The following MTMR9 variants were observed in gnomAD, a reference collection of about 807,000 sequenced individuals.
MTMR9 encodes myotubularin-related protein 9.
MTMR9 carries 39 observed loss-of-function variants against 69.5 expected under a neutral mutation model. The observed-to-expected ratio is 0.56, with a 90% CI of 0.43 to 0.73. The LOEUF is 0.73. Ranked by LOEUF, MTMR9 falls within the 30% of genes least tolerant of loss-of-function variation. MTMR9 has a pLI of 0.00. For synonymous variants in MTMR9, 354 were observed against 240.8 expected (o/e 1.47, Z -4.35); for missense variants, 900 against 671.2 (o/e 1.34, Z -3.77).
rs761536304 is a variant in MTMR9, at chr8:11,300,138, A to C, written c.407A>C (p.Tyr136Ser). Residue 136 changes from tyrosine to serine, a missense_variant, in exon 3 of 10, where the codon TAT becomes TCT. Transcript: ENST00000221086. ...CTTCCTGAGCAAGAATTTGAACTCT[A>C]TTCTTCAGCTGTGAGTTAACTTTTG... The part of the protein sequence containing the change: ...SFLPEQEFEL[Y>S]SSATSEWRLS... The C allele has an allele frequency of 6.2e-7, 1 of 1,613,090 alleles. No individual in the cohort carries two copies. Among genetic ancestry groups the C allele is most frequent in the Non-Finnish European group, 8.5e-7 (1 of 1,179,280 alleles).
intron 2 of MTMR9, chr8:11,297,791 C>A: frequency 2.2e-6 from 1 of 447,690 alleles, no homozygotes; most frequent in South Asian, 1.6e-5. Context: ...TGAAAAGAAG[C>A]CGTAAATTAT....
At chr8:11,295,143 T>C in intron 1 of MTMR9, 51 bp from the exon 2 acceptor site, 1 of 931,750 alleles carries the variant, frequency 1.1e-6, no homozygotes. Flanking sequence ...AATAATATAT[T>C]TAAAGTTAGT....
At chr8:11,339,145 G>C in the MTMR9 span, among the ~76,000 whole-genome samples, 1 of 152,160 alleles carries the variant, frequency 6.6e-6, no homozygotes, top group East Asian at 1.9e-4. Flanking sequence ...TAATTCATCA[G>C]TCTGACCCCT....
downstream of MTMR9, among the ~76,000 whole-genome samples, chr8:11,328,654 G>A (rs113660465): frequency 0.011 from 1,726 of 152,264 alleles, 29 homozygotes; most frequent in African/African-American, 0.04. Flanking sequence ...GCCTAACAGT[G>A]AATGGCAAAA....
intron 2 of MTMR9, among the ~76,000 whole-genome samples, chr8:11,297,208 T>C (rs994151137): frequency 1.3e-5 from 2 of 152,160 alleles, no homozygotes; most frequent in African/African-American, 4.8e-5. Flanking sequence ...AATCTAGAAG[T>C]AGGATTTTAG....
At chr8:11,297,864 A>G (rs769105115) in intron 2 of MTMR9, 2 of 456,168 alleles carry the variant, frequency 4.4e-6, no homozygotes, top group African/African-American at 2.0e-5. Flanking sequence ...AGTGATTAAC[A>G]TAGTGAACCT....
chr8:11,331,847 C>A (rs1404167000), downstream of MTMR9: 7 of 1,611,876 alleles, frequency 4.3e-6, no homozygotes, highest in Non-Finnish European at 5.9e-6. Flanking sequence ...CCGTGTTGCC[C>A]AGTGACCTCC....
downstream of MTMR9, chr8:11,332,333 T>G (rs1801270397): frequency 1.1e-6 from 1 of 890,864 alleles, no homozygotes; most frequent in Non-Finnish European, 1.6e-6. Context: ...TCTGGCTTAT[T>G]TACAGGAATA....
intron 6 of MTMR9, among the ~76,000 whole-genome samples, chr8:11,312,881 C>T (rs1800259447): frequency 6.6e-6 from 1 of 152,180 alleles, no homozygotes; most frequent in Admixed American, 6.5e-5. Context: ...ATGTACCTCT[C>T]CATCAGAGCT....
At chr8:11,320,749 A>G (rs1800646024) in intron 9 of MTMR9, 1 of 152,220 alleles carries the variant, frequency 6.6e-6, no homozygotes, top group Non-Finnish European at 1.5e-5. Context: ...AAAAATAAAG[A>G]TAAAAATAAC....
At chr8:11,298,875 T>C (rs1035932716) in intron 2 of MTMR9, 1 of 985,076 alleles carries the variant, frequency 1.0e-6, no homozygotes, top group African/African-American at 1.7e-5. Flanking sequence ...GTGCTCCAGG[T>C]AAATATAGGC....
intron 8 of MTMR9, 141 bp from the exon 9 acceptor site, chr8:11,319,546 T>G: frequency 1.2e-6 from 1 of 822,654 alleles, no homozygotes; most frequent in Non-Finnish European, 1.9e-6. Context: ...ATCTATTGAT[T>G]TTTCAACACT....
At chr8:11,305,510 A>G (rs1307689115) in intron 4 of MTMR9, among the ~76,000 whole-genome samples, 1 of 152,242 alleles carries the variant, frequency 6.6e-6, no homozygotes, top group African/African-American at 2.4e-5. Context: ...CTACCTTGTA[A>G]TGGTGGCGTC....
At chr8:11,287,725 T>C (rs1315562652) in intron 1 of MTMR9, among the ~76,000 whole-genome samples, 1 of 130,988 alleles carries the variant, frequency 7.6e-6, no homozygotes, top group Admixed American at 8.1e-5. Context: ...TAATATATAT[T>C]ATATATTATA....
chr8:11,314,177 T>C (rs1800317526), intron 6 of MTMR9, among the ~76,000 whole-genome samples: 1 of 152,194 alleles, frequency 6.6e-6, no homozygotes, highest in Non-Finnish European at 1.5e-5. Context: ...AGCTTTTGTG[T>C]GAAGTTGGTG....
At chr8:11,331,304 C>G (rs1390852819), downstream of MTMR9, 1 of 1,614,016 alleles carries the variant, frequency 6.2e-7, no homozygotes, top group Admixed American at 1.7e-5. Flanking sequence ...AGGGTTCCAA[C>G]CTGCCCTCGC....
chr8:11,304,330 G>A (rs1055482458), intron 3 of MTMR9, among the ~76,000 whole-genome samples: 1 of 152,142 alleles, frequency 6.6e-6, no homozygotes, highest in Non-Finnish European at 1.5e-5. Flanking sequence ...TTCTGGGGAT[G>A]CATTATCTGG....
chr8:11,296,934 A>T (rs1043012527), intron 2 of MTMR9, among the ~76,000 whole-genome samples: 1 of 152,124 alleles, frequency 6.6e-6, no homozygotes, highest in African/African-American at 2.4e-5. Flanking sequence ...AATAATAGAA[A>T]TTTTACTTGG....
chr8:11,309,771 T>G (rs1446969791), intron 6 of MTMR9, 83 bp downstream of exon 6: 1 of 1,470,732 alleles, frequency 6.8e-7, no homozygotes, highest in African/African-American at 1.4e-5. Flanking sequence ...GTTTATAGAT[T>G]ATGTGAAAGT....
Sources: allele counts gnomAD v4.1 joint callset (sites outside exome capture counted in the v4.1 genomes callset), GRCh38; gene constraint gnomAD v4.1.1; transcripts MANE v1.5; gene names NCBI Gene and HGNC (gene_info 2026-07-23, HGNC 2026-07-21).